SNX19: variants seen among roughly 807,000 people sequenced by gnomAD.
SNX19 encodes the protein sorting nexin-19.
In SNX19, 60 loss-of-function variants were observed where a neutral mutation model predicts 85.2. The observed-to-expected ratio is 0.70, with a 90% CI of 0.57 to 0.87. The LOEUF is 0.87. Ranked by LOEUF, SNX19 falls within the 40% of genes least tolerant of loss-of-function variation. SNX19 has a pLI of 0.00. For synonymous variants in SNX19, 520 were observed against 470.0 expected, an observed-to-expected ratio of 1.11 and a Z score of -1.38; for missense variants, 1,201 against 1,217.8, an observed-to-expected ratio of 0.99 and a Z score of 0.21.
At chr11:130,898,168 T>G (rs539836040) in intron 8 of SNX19, among the ~76,000 whole-genome samples, 67 of 152,112 alleles carry the variant, frequency 4.4e-4, no homozygotes, top group African/African-American at 1.6e-3. Flanking sequence ...TTTTTTTCCT[T>G]TGCAGGATAG....
intron 8 of SNX19, among the ~76,000 whole-genome samples, chr11:130,886,041 C>T (rs547677565): frequency 3.3e-5 from 5 of 152,132 alleles, no homozygotes; most frequent in Non-Finnish European, 7.3e-5. Context: ...AACATGTCTC[C>T]AAACATTGCG....
chr11:130,908,199 C>G (rs983358372), intron 4 of SNX19, 116 bp from the exon 5 acceptor site: 2 of 1,184,790 alleles, frequency 1.7e-6, no homozygotes, highest in African/African-American at 3.1e-5. Context: ...GCCAGGCTAT[C>G]TAGCAAAGCC....
intron 4 of SNX19, 95 bp from the exon 5 acceptor site, chr11:130,908,178 C>T (rs994023261): frequency 6.9e-7 from 1 of 1,440,348 alleles, no homozygotes; most frequent in African/African-American, 1.4e-5. Flanking sequence ...TGCAACAGGA[C>T]AAGGAGAGGG....
At chr11:130,912,128 A>G (rs146901094) in intron 1 of SNX19, among the ~76,000 whole-genome samples, 1 of 152,344 alleles carries the variant, frequency 6.6e-6, no homozygotes, top group East Asian at 1.9e-4. Flanking sequence ...GCTAAACATC[A>G]TAAGGGGCAA....
chr11:130,914,830 G>T lies in SNX19; in HGVS notation c.1110C>A (p.Asp370Glu). The T allele has an allele frequency of 6.2e-7, 1 of 1,614,244 alleles. No homozygotes were observed. Residue 370 changes from aspartate to glutamate, a missense_variant, in exon 1 of 11, where the codon GAC becomes GAA. Physicochemically the swap from Asp to Glu is conservative, Grantham distance 45 (BLOSUM62 2). Around this residue, in one of 3 missense-constraint regions of SNX19, gnomAD observed 791 missense variants for 750.9 expected, o/e 1.05. Coordinates refer to ENST00000265909, the MANE Select transcript of SNX19 (RefSeq NM_014758.3). ...CAGACAGCGGAGACTCCAGCTCTGAGTCTTCACATAAGAACAGGGGACCTC... is the reference window on the plus strand; with the variant it reads ...CAGACAGCGGAGACTCCAGCTCTGATTCTTCACATAAGAACAGGGGACCTC... ...NVRGPLFLCEDSELESPLSEL... is the reference protein window; with the variant it reads ...NVRGPLFLCEESELESPLSEL...
In SNX19 at chr11:130,915,329, C is replaced by A. The variant is rs1946475421; in HGVS notation, c.611G>T (p.Ser204Ile). Residue 204 changes from serine to isoleucine, a missense_variant, in exon 1 of 11, where the codon AGC becomes ATC. Transcript: ENST00000265909. ...CGTATAGGTGACTTCAGCACTGGGG[C>A]TGTGCACAGCAGGATGTGGGGCAGT... Reference protein sequence around the residue: ...RATAPHPAVHSPSAEVTYTRG... With the variant: ...RATAPHPAVHIPSAEVTYTRG... 3 of 1,614,204 alleles carry A rather than the reference C, an allele frequency of 1.9e-6. No individual in the cohort carries two copies. The highest frequency in any genetic ancestry group is 2.2e-5 in the South Asian group (2 of 91,084).
intron 8 of SNX19, among the ~76,000 whole-genome samples, chr11:130,889,853 T>C (rs928165399): frequency 1.3e-5 from 2 of 152,192 alleles, no homozygotes; most frequent in African/African-American, 4.8e-5. Flanking sequence ...AAACCTTGCC[T>C]TGGTACCAGC....
intron 8 of SNX19, among the ~76,000 whole-genome samples, chr11:130,891,890 G>A (rs888099259): frequency 4.1e-5 from 6 of 147,552 alleles, no homozygotes; most frequent in Non-Finnish European, 7.4e-5. Context: ...GCCCAGGCTG[G>A]AGTGCAGTGG....
chr11:130,898,882 T>C (rs1274376095), intron 8 of SNX19, among the ~76,000 whole-genome samples: 2 of 152,098 alleles, frequency 1.3e-5, no homozygotes, highest in African/African-American at 4.8e-5. Context: ...GAGACAGAGA[T>C]TTTTGGGTTG....
At chr11:130,913,727 A>G (rs1946325834) in intron 1 of SNX19, among the ~76,000 whole-genome samples, 2 of 152,212 alleles carry the variant, frequency 1.3e-5, no homozygotes, top group Admixed American at 1.3e-4. Context: ...TTATTTACCT[A>G]TGTCTATCTC....
rs1305973601 is a variant in SNX19, at chr11:130,874,493, CAAGG to C, written c.*3925_*3928del. 2.0e-5 allele frequency among the ~76,000 whole-genome samples: 3 copies of C among 152,136 alleles called. No individual in the cohort carries two copies. Among genetic ancestry groups the C allele is most frequent in the Non-Finnish European group, 4.4e-5 (3 of 68,008 alleles). ...AGCACAGCTGACCTAATTAGAATGG[CAAGG>C]AAGAAAGATGGAAAGAATTCAGGCC... On this transcript the variant is annotated 3_prime_UTR_variant, in exon 11 of 11. Coordinates refer to ENST00000265909, the MANE Select transcript of SNX19 (RefSeq NM_014758.3).
intron 8 of SNX19, among the ~76,000 whole-genome samples, chr11:130,897,989 C>T (rs1203851802): frequency 6.6e-6 from 1 of 152,166 alleles, no homozygotes; most frequent in Non-Finnish European, 1.5e-5. Flanking sequence ...CAAGACTTCC[C>T]TTTGACTTAA....
At position 130,872,147 on chromosome 11, in the gene SNX19, A is replaced by C. The variant is rs1179995423; in HGVS notation, c.*6275T>G. 1.3e-5 allele frequency among the ~76,000 whole-genome samples: 2 copies of C among 152,192 alleles called. No homozygotes were observed. The highest frequency in any genetic ancestry group is 2.9e-5 in the Non-Finnish European group (2 of 68,028). On this transcript the variant is annotated 3_prime_UTR_variant, in exon 11 of 11. Coordinates refer to ENST00000265909, the MANE Select transcript of SNX19 (RefSeq NM_014758.3). ...AAAACCAGGTTTCATCAAGCTGTTG[A>C]AGAGACATCAAAGCCAGGAGTAATT...
chr11:130,885,781 A>C (rs1463707031), intron 8 of SNX19, among the ~76,000 whole-genome samples: 1 of 152,214 alleles, frequency 6.6e-6, no homozygotes, highest in Admixed American at 6.5e-5. Context: ...TTAAGATACC[A>C]AATACAGTTC....
At chr11:130,889,226 T>C (rs541167856) in intron 8 of SNX19, among the ~76,000 whole-genome samples, 5 of 152,122 alleles carry the variant, frequency 3.3e-5, no homozygotes, top group Non-Finnish European at 7.4e-5. Context: ...TCAGTATGTG[T>C]CCCCTCTTTC....
In SNX19 at chr11:130,908,007, A is replaced by C. The variant is rs749256491; in HGVS notation, c.2111T>G (p.Leu704Arg). 1.2e-6 allele frequency: 2 copies of C among 1,614,156 alleles called. No individual in the cohort carries two copies. The highest frequency in any genetic ancestry group is 3.3e-5 in the Admixed American group (2 of 60,016). ...RSEPQSPTEE[L>R]SEAETESKPQ... is the part of the protein sequence containing the mutation. The stretch of plus-strand genomic sequence containing the variant: ...CTTGCTTTCGGTCTCGGCCTCACTC[A>C]GCTCCTCTGTGGGGCTCTGGGGTTC... Residue 704 changes from leucine to arginine, a missense_variant, in exon 5 of 11, where the codon CTG becomes CGG. Leu to Arg is a moderately radical substitution (Grantham distance 102). Around this residue, in one of 3 missense-constraint regions of SNX19, gnomAD observed 125 missense variants for 171.6 expected, o/e 0.73. Transcript: ENST00000265909.
chr11:130,880,987 C>A (rs1344143181), intron 8 of SNX19, 181 bp from the exon 9 acceptor site: 4 of 426,432 alleles, frequency 9.4e-6, no homozygotes, highest in Non-Finnish European at 1.2e-5. Context: ...AAGGTAAATG[C>A]CCTTATAAAA....
intron 4 of SNX19, among the ~76,000 whole-genome samples, chr11:130,909,130 T>C (rs1488776179): frequency 3.9e-5 from 6 of 152,210 alleles, no homozygotes; most frequent in Non-Finnish European, 7.3e-5. Flanking sequence ...CTCATCTGTC[T>C]CATTCACTGA....
At chr11:130,882,855 T>G (rs1459929928) in intron 8 of SNX19, among the ~76,000 whole-genome samples, 1 of 152,220 alleles carries the variant, frequency 6.6e-6, no homozygotes, top group Non-Finnish European at 1.5e-5. Context: ...GGGTCTCATC[T>G]AACTGTCTTG....
Sources: allele counts gnomAD v4.1 joint callset (sites outside exome capture counted in the v4.1 genomes callset), GRCh38; gene constraint gnomAD v4.1.1; regional missense constraint gnomAD v4.1.1; transcripts MANE v1.5; gene names NCBI Gene and HGNC (gene_info 2026-07-23, HGNC 2026-07-21).